Variants in ASAP2 observed in about 807,000 individuals in gnomAD.
ASAP2 encodes the protein arf-GAP with SH3 domain, ANK repeat and PH domain-containing protein 2.
In ASAP2, 45 loss-of-function variants were observed where a neutral mutation model predicts 131.4. The observed-to-expected ratio is 0.34, with a 90% CI of 0.27 to 0.44. ASAP2 has a LOEUF of 0.44. Ranked by LOEUF, ASAP2 falls within the 20% of genes least tolerant of loss-of-function variation. The probability of loss-of-function intolerance (pLI) is 1.00; values close to 1 mark genes in which losing one functional copy is unlikely to be tolerated. For synonymous variants in ASAP2, 510 were observed against 503.0 expected (o/e 1.01, Z -0.19); for missense variants, 1,011 against 1,297.0 (o/e 0.78, Z 3.39).
chr2:9,341,337 A>G (rs1034233510), intron 9 of ASAP2, among the ~76,000 whole-genome samples: 33 of 152,212 alleles, frequency 2.2e-4, no homozygotes, highest in African/African-American at 8.0e-4. Flanking sequence ...ATTTTATGTT[A>G]AACAGATTAT....
intron 1 of ASAP2, among the ~76,000 whole-genome samples, chr2:9,212,721 C>T (rs546512022): frequency 6.6e-6 from 1 of 152,324 alleles, no homozygotes; most frequent in South Asian, 2.1e-4. Flanking sequence ...TCAGCCGCCA[C>T]ATTGCAAGTA....
chr2:9,297,303 A>G lies in ASAP2; in HGVS notation c.203A>G (p.His68Arg). Residue 68 changes from histidine (H) to arginine (R), a missense_variant, in exon 3 of 28, where the codon CAC becomes CGC. By Grantham distance (29) the His-to-Arg change is conservative (BLOSUM62 0). Around this residue, in one of 2 missense-constraint regions of ASAP2, gnomAD observed 359 missense variants for 598.1 expected, o/e 0.60. Transcript: ENST00000281419. ...VKAINSSGLA[H>R]VENEEQYTQA... is the part of the protein sequence containing the mutation. The stretch of plus-strand genomic sequence containing the variant: ...CACCTCCGTCATTCTGTTGCAGCTC[A>G]CGTGGAAAATGAAGAGCAGTACACC... 1 of 1,613,406 alleles carries G rather than the reference A, an allele frequency of 6.2e-7. No homozygotes were observed. The highest frequency in any genetic ancestry group is 8.5e-7 in the Non-Finnish European group (1 of 1,179,470).
chr2:9,340,317 G>A (rs1385066531), intron 9 of ASAP2, among the ~76,000 whole-genome samples: 6 of 152,172 alleles, frequency 3.9e-5, no homozygotes, highest in African/African-American at 9.7e-5. Context: ...CACCGCGCCC[G>A]GCCAGCCATG....
chr2:9,376,961 T>A lies in ASAP2; in HGVS notation c.1800T>A (p.Ser600=). The A allele has an allele frequency of 6.2e-7, 1 of 1,614,186 alleles. No individual in the cohort carries two copies. The highest frequency in any genetic ancestry group is 2.2e-5 in the East Asian group (1 of 44,882). ...CAGTCAGATCCGTGGATCGAACCTC[T>A]CTTCACATTGTAGACTTTTTAGTTC... The part of the protein sequence containing the change: ...HLAVRSVDRT[S]LHIVDFLVQN... Residue 600 remains serine (S), a synonymous_variant, in exon 18 of 28, where the codon TCT becomes TCA. Coordinates refer to ENST00000281419, the MANE Select transcript of ASAP2 (RefSeq NM_003887.3).
In ASAP2 at chr2:9,207,048, G is replaced by C; in HGVS notation, c.-57G>C. ...CCGAGCGGCGGTCGGAGCCTGCTGC[G>C]GCAGTTGAGGCGGCGGCGCCCCTGC... is the stretch of plus-strand genomic sequence containing the variant. On this transcript the variant is annotated 5_prime_UTR_variant, in exon 1 of 28. Transcript: ENST00000281419. The surrounding 1 kb of genome is among the most constrained non-coding windows in gnomAD (Gnocchi z 4.1). 7.3e-7 allele frequency: 1 copy of C among 1,377,494 alleles called. No individual in the cohort carries two copies. The highest frequency in any genetic ancestry group is 9.5e-7 in the Non-Finnish European group (1 of 1,052,898). The allele number at this position is 1,377,494 out of a possible 1,614,324, so 85.3% of individuals were successfully genotyped here.
At chr2:9,325,154 G>A (rs952096896) in intron 6 of ASAP2, among the ~76,000 whole-genome samples, 6 of 152,198 alleles carry the variant, frequency 3.9e-5, no homozygotes, top group African/African-American at 1.4e-4. Context: ...GAGAATGGAT[G>A]TTTTTATACA....
chr2:9,291,064 C>T (rs1667777749), intron 2 of ASAP2, among the ~76,000 whole-genome samples: 1 of 152,214 alleles, frequency 6.6e-6, no homozygotes, highest in African/African-American at 2.4e-5. Flanking sequence ...TGGCTTTCTG[C>T]TCCTACCATA....
chr2:9,362,392 G>A (rs1212717980), intron 15 of ASAP2, among the ~76,000 whole-genome samples: 1 of 152,046 alleles, frequency 6.6e-6, no homozygotes, highest in African/African-American at 2.4e-5. Flanking sequence ...GACAGCAAAG[G>A]ATTTTATTTT....
At position 9,334,039 on chromosome 2, in the gene ASAP2, CTTTTTT is replaced by C. The variant is rs35495550; in HGVS notation, c.687-678_687-673del. On this transcript the variant is annotated intron_variant, in intron 7 of 27. Transcript: ENST00000281419. Reference sequence around the variant, plus strand: ...CTCTCTCTCTGTCTCTGTCTTTCTCCTTTTTTTTTTTTTTTTTTTTTTTTTTGGGAG... The same window carrying C: ...CTCTCTCTCTGTCTCTGTCTTTCTCCTTTTTTTTTTTTTTTTTTTTGGGAG... Among the ~76,000 whole-genome samples the C allele has an allele frequency of 4.5e-3, 241 of 53,288 alleles. 9 individuals carry two copies. The East Asian group carries it at 0.12, about 26-fold the overall frequency. The allele number at this position is 53,288 out of a possible 152,430, so 35.0% of individuals were successfully genotyped here.
At chr2:9,270,773 TC>T (rs1205278406) in intron 1 of ASAP2, among the ~76,000 whole-genome samples, 23 of 145,708 alleles carry the variant, frequency 1.6e-4, no homozygotes, top group Non-Finnish European at 3.1e-4. Flanking sequence ...CTCCATGAGT[TC>T]AATTGTTTTC....
At chr2:9,403,151 A>C (rs1676893463) in intron 27 of ASAP2, 102 bp from the exon 28 acceptor site, 1 of 939,176 alleles carries the variant, frequency 1.1e-6, no homozygotes, top group African/African-American at 1.6e-5. Context: ...AGTCTTCTGA[A>C]CCAATCTTGC....
At chr2:9,333,666 A>G (rs1314339128) in intron 7 of ASAP2, among the ~76,000 whole-genome samples, 2 of 152,116 alleles carry the variant, frequency 1.3e-5, no homozygotes, top group African/African-American at 2.4e-5. Flanking sequence ...AGAGGGTGGA[A>G]TGGTGTGGAT....
chr2:9,283,692 G>C (rs1032104644), intron 2 of ASAP2, among the ~76,000 whole-genome samples: 1 of 152,176 alleles, frequency 6.6e-6, no homozygotes, highest in African/African-American at 2.4e-5. Context: ...TTTCTCACAG[G>C]CCTGGGGGCT....
At chr2:9,257,403 G>A (rs1372835766) in intron 1 of ASAP2, among the ~76,000 whole-genome samples, 1 of 152,194 alleles carries the variant, frequency 6.6e-6, no homozygotes, top group Non-Finnish European at 1.5e-5. Context: ...AATTAAAATA[G>A]CTTTATTTTC....
In ASAP2 at chr2:9,268,026, C is replaced by T. The variant is rs906913052; in HGVS notation, c.127-11291C>T. On this transcript the variant is annotated intron_variant, in intron 1 of 27. Transcript: ENST00000281419. The surrounding 1 kb of genome is among the most constrained non-coding windows in gnomAD (Gnocchi z 4.1). ...CTTCCCCTGCCCTGACTGCAGCCCT[C>T]AGCTTGCCTCAGTTTGTAGTTTGCC... is the stretch of plus-strand genomic sequence containing the variant. Among the ~76,000 whole-genome samples, 1 of 152,138 alleles carries T rather than the reference C, an allele frequency of 6.6e-6. No individual in the cohort carries two copies. Among genetic ancestry groups the T allele is most frequent in the Non-Finnish European group, 1.5e-5 (1 of 68,034 alleles).
intron 1 of ASAP2, among the ~76,000 whole-genome samples, chr2:9,223,667 A>G (rs1232014167): frequency 6.6e-6 from 1 of 152,226 alleles, no homozygotes; most frequent in African/African-American, 2.4e-5. Context: ...GTAAGCTACT[A>G]TAAATTATAG....
At chr2:9,263,608 G>C (rs1295309549) in intron 1 of ASAP2, among the ~76,000 whole-genome samples, 1 of 152,218 alleles carries the variant, frequency 6.6e-6, no homozygotes. Flanking sequence ...GCCATGGGGC[G>C]CTCCCACCGA....
chr2:9,299,127 A>G (rs766592566), intron 3 of ASAP2, among the ~76,000 whole-genome samples: 1 of 152,234 alleles, frequency 6.6e-6, no homozygotes, highest in Non-Finnish European at 1.5e-5. Context: ...GTTGTCATCA[A>G]TGCAACAAAT....
Position 9,294,897 on chromosome 2 carries a change from G to T in ASAP2, c.200-2403G>T, listed in dbSNP as rs139804849. Among the ~76,000 whole-genome samples, 397 of 152,316 alleles carry T rather than the reference G, an allele frequency of 2.6e-3. 1 individual carries two copies. The highest frequency in any genetic ancestry group is 9.2e-3 in the African/African-American group (383 of 41,560). On this transcript the variant is annotated intron_variant, in intron 2 of 27. Coordinates refer to ENST00000281419, the MANE Select transcript of ASAP2 (RefSeq NM_003887.3). ...CGAGGGAGTAAGCAGGACCATGGAG[G>T]TTGCGTTCCTGTTTCTGTCATGCAG...
Sources: allele counts gnomAD v4.1 joint callset (sites outside exome capture counted in the v4.1 genomes callset), GRCh38; gene constraint gnomAD v4.1.1; regional missense constraint gnomAD v4.1.1; non-coding constraint Gnocchi (gnomAD v3.1); transcripts MANE v1.5; gene names NCBI Gene and HGNC (gene_info 2026-07-23, HGNC 2026-07-21).